Variants in ABCC6 observed in about 807,000 individuals in gnomAD.
ABCC6 encodes ATP-binding cassette sub-family C member 6.
In ABCC6, 126 loss-of-function variants were observed where a neutral mutation model predicts 169.5. The ratio of observed to expected loss-of-function variants is 0.74; its 90% CI spans 0.64 to 0.86. ABCC6 has a LOEUF of 0.86. Among genes scored for constraint, ABCC6 ranks in the 40% least tolerant of loss-of-function variants. The pLI is 0.00. For missense variants in ABCC6, 1,733 were observed against 1,927.2 expected, an observed-to-expected ratio of 0.90 and a Z score of 1.89; for synonymous variants, 752 against 814.7, an observed-to-expected ratio of 0.92 and a Z score of 1.31.
In ABCC6 at chr16:16,149,976, A is replaced by G. The variant is rs2046342547; in HGVS notation, c.*157T>C. Reference sequence around the variant, plus strand: ...GTCCTTCCGGCTCTGATGCTCTGTGATAATTGGCCACTTTCTCTGCCATTT... The same window carrying G: ...GTCCTTCCGGCTCTGATGCTCTGTGGTAATTGGCCACTTTCTCTGCCATTT... On this transcript the variant is annotated 3_prime_UTR_variant, in exon 31 of 31. Transcript: ENST00000205557. 2 of 1,161,722 alleles carry G rather than the reference A, an allele frequency of 1.7e-6. No individual in the cohort carries two copies. The highest frequency in any genetic ancestry group is 2.5e-6 in the Non-Finnish European group (2 of 800,118). 72.0% of individuals were successfully genotyped at this position (1,161,722 alleles called of 1,614,324 possible). A position where few individuals can be genotyped will look rare whatever the true frequency, so the allele number is the denominator to read the frequency against.
intron 6 of ABCC6, among the ~76,000 whole-genome samples, chr16:16,210,165 C>G (rs1229111835): frequency 6.6e-6 from 1 of 152,072 alleles, no homozygotes; most frequent in Non-Finnish European, 1.5e-5. Flanking sequence ...GAGATGGAAT[C>G]TCACTCTGTT....
At chr16:16,197,040 A>G (rs914682272) in intron 10 of ABCC6, among the ~76,000 whole-genome samples, 1 of 152,206 alleles carries the variant, frequency 6.6e-6, no homozygotes. Context: ...CCACAACGTT[A>G]AAGGAATGAA....
chr16:16,185,093 G>A (rs2047606946), intron 14 of ABCC6, 59 bp from the exon 15 acceptor site: 2 of 1,485,328 alleles, frequency 1.3e-6, no homozygotes, highest in East Asian at 4.5e-5. Flanking sequence ...CTCTGCATCG[G>A]AGAGGCCCCC....
intron 24 of ABCC6, among the ~76,000 whole-genome samples, chr16:16,162,699 C>G (rs898062869): frequency 1.3e-5 from 2 of 152,152 alleles, no homozygotes; most frequent in African/African-American, 2.4e-5. Context: ...TGCTTAGTAC[C>G]TAAAGATGGC....
intron 21 of ABCC6, 96 bp from the exon 22 acceptor site, chr16:16,169,949 A>C: frequency 8.0e-7 from 1 of 1,256,778 alleles, no homozygotes; most frequent in Non-Finnish European, 1.1e-6. Flanking sequence ...AAACATGCCC[A>C]TGGCAGATGG....
rs2046497688 is a variant in ABCC6 at position 16,154,977 on chromosome 16, G to GC, written c.3936dup (p.Leu1313AlafsTer8). Reference sequence around the variant, plus strand: ...CCCTCAGCTGCCTCCTGGAGCCGCAGCAGCCCACTGGCCAGGGAGGACTTC... The same window carrying GC: ...CCCTCAGCTGCCTCCTGGAGCCGCAGCCAGCCCACTGGCCAGGGAGGACTTC... On this transcript the variant is annotated frameshift_variant, in exon 28 of 31. Coordinates refer to ENST00000205557, the MANE Select transcript of ABCC6 (RefSeq NM_001171.6). LOFTEE classifies it high-confidence loss of function. 1 of 1,575,194 alleles carries GC rather than the reference G, an allele frequency of 6.3e-7. No individual in the cohort carries two copies. Among genetic ancestry groups the GC allele is most frequent in the East Asian group, 2.3e-5 (1 of 42,560 alleles).
In ABCC6 at chr16:16,149,852, G is replaced by T. The variant is rs1241552748; in HGVS notation, c.*281C>A. The T allele has an allele frequency of 7.5e-6, 4 of 535,038 alleles. No homozygotes were observed. The highest frequency in any genetic ancestry group is 4.1e-5 in the South Asian group (2 of 49,216). The allele number at this position is 535,038 out of a possible 1,614,324, so 33.1% of individuals were successfully genotyped here. A position where few individuals can be genotyped will look rare whatever the true frequency, so the allele number is the denominator to read the frequency against. On this transcript the variant is annotated 3_prime_UTR_variant, in exon 31 of 31. Coordinates refer to ENST00000205557, the MANE Select transcript of ABCC6 (RefSeq NM_001171.6). ...GGGCATGTGCTTGAGGCCCCCAGGT[G>T]AGTCCAGAGTACAGCGGGGCTGAGA...
intron 13 of ABCC6, 142 bp downstream of exon 13, chr16:16,188,689 G>T (rs892608709): frequency 3.3e-6 from 4 of 1,214,350 alleles, no homozygotes; most frequent in Non-Finnish European, 3.5e-6. Flanking sequence ...GCCCCTACCC[G>T]CCTCTTTTCC....
In ABCC6 at chr16:16,168,088, G is replaced by A. The variant is rs541014715; in HGVS notation, c.2995+1558C>T. On this transcript the variant is annotated intron_variant, in intron 22 of 30. Transcript: ENST00000205557. ...AAGAGTCCTCAAGTTCAGGCCTGGC[G>A]CCCCCTATTTTACAGGGGAGGTCAC... 5.8e-4 allele frequency among the ~76,000 whole-genome samples: 88 copies of A among 152,330 alleles called. 3 individuals carry two copies. The South Asian group carries it at 0.018, about 31-fold the overall frequency.
chr16:16,155,275 C>G (rs948568335), intron 27 of ABCC6: 5 of 591,910 alleles, frequency 8.4e-6, no homozygotes, highest in African/African-American at 3.7e-5. Flanking sequence ...TTTCTCCCCA[C>G]CCTTCCTTTA....
At chr16:16,198,490 C>G (rs1216847640) in intron 9 of ABCC6, among the ~76,000 whole-genome samples, 1 of 152,132 alleles carries the variant, frequency 6.6e-6, no homozygotes, top group African/African-American at 2.4e-5. Context: ...AAATGAACAG[C>G]CTTATCCTTT....
Position 16,157,767 on chromosome 16 carries a change from G to C in ABCC6, c.3778C>G (p.Pro1260Ala), listed in dbSNP as rs149151337. The C allele has an allele frequency of 2.0e-5, 32 of 1,613,630 alleles. No individual in the cohort carries two copies. The African/African-American group carries it at 4.1e-4, about 21-fold the overall frequency. The change falls in exon 27 of 31, where the codon CCT becomes GCT. Residue 1260 changes from proline (P) to alanine (A), a missense_variant. Coordinates refer to ENST00000205557, the MANE Select transcript of ABCC6 (RefSeq NM_001171.6). ...LPTCAAQPPW[P>A]QGGQIEFRDF... ...CGGAACTCGATCTGCCCGCCCTGAG[G>C]CCAGGGGGGCTGAGCTGCACATGTG...
chr16:16,175,834 C>G, intron 20 of ABCC6, 77 bp downstream of exon 20: 1 of 1,542,078 alleles, frequency 6.5e-7, no homozygotes, highest in Non-Finnish European at 8.9e-7. Flanking sequence ...GCCTAACTGC[C>G]CGAGATGCGG....
intron 9 of ABCC6, among the ~76,000 whole-genome samples, chr16:16,198,599 G>A (rs1480692009): frequency 4.6e-5 from 7 of 151,972 alleles, no homozygotes; most frequent in African/African-American, 1.5e-4. Flanking sequence ...CTGTAATCCC[G>A]CCACTCTGGG....
chr16:16,208,902 C>A (rs767523455), intron 6 of ABCC6, 43 bp from the exon 7 acceptor site: 51 of 1,613,158 alleles, frequency 3.2e-5, no homozygotes, highest in Non-Finnish European at 4.2e-5. Flanking sequence ...CTGCCATTCA[C>A]CCCTGCAGGA....
chr16:16,169,676 C>T lies in ABCC6; in HGVS notation c.2965G>A (p.Gly989Arg), dbSNP rs529676674. 2.7e-5 allele frequency: 44 copies of T among 1,611,134 alleles called. No individual in the cohort carries two copies. Among genetic ancestry groups the T allele is most frequent in the Admixed American group, 6.7e-5 (4 of 59,966 alleles). The change falls in exon 22 of 31, where the codon GGG becomes AGG. Residue 989 changes from glycine (G) to arginine (R), a missense_variant. By Grantham distance (125) the Gly-to-Arg change is moderately radical. Around this residue, in one of 5 missense-constraint regions of ABCC6, gnomAD observed 1,601 missense variants for 1,635.5 expected, o/e 0.98. Transcript: ENST00000205557. ...AGACAGCCGAGGAGCCCGAAGATCC[C>T]GCCACGCAGGGCTGCCTGCGTCTGC... ...GQQTQAALRGGIFGLLGCLQA... is the reference protein window; with the variant it reads ...GQQTQAALRGRIFGLLGCLQA...
At chr16:16,190,582 T>TAATGTGCCCCAC (rs2047816351) in intron 11 of ABCC6, among the ~76,000 whole-genome samples, 1 of 151,874 alleles carries the variant, frequency 6.6e-6, no homozygotes, top group Non-Finnish European at 1.5e-5. Flanking sequence ...ATGTGCCCCA[T>TAATGTGCCCCAC]GGAGGAAGCC....
At chr16:16,164,973 T>C (rs2283509) in intron 23 of ABCC6, among the ~76,000 whole-genome samples, 112,886 of 152,248 alleles carry the variant, frequency 0.74, 43,850 homozygotes, top group South Asian at 0.9. Context: ...TTTAGTTGGT[T>C]GCTGGTCCCA....
At chr16:16,219,076 A>G in intron 4 of ABCC6, among the ~76,000 whole-genome samples, 1 of 141,242 alleles carries the variant, frequency 7.1e-6, no homozygotes, top group Admixed American at 7.0e-5. Context: ...AAAAAAAAAA[A>G]AAAAAAAAAA....
Sources: gnomAD v4.1 joint callset for allele counts (sites outside exome capture counted in the v4.1 genomes callset) on GRCh38, gnomAD v4.1.1 for gene constraint, gnomAD v4.1.1 regional missense constraint, MANE v1.5 for transcripts, NCBI Gene and HGNC (gene_info 2026-07-23, HGNC 2026-07-21) for gene names.